The following ARMC2 variants were observed in gnomAD, a reference collection of about 807,000 sequenced individuals.
ARMC2 encodes armadillo repeat containing 2, also known as armadillo repeat-containing protein 2.
ARMC2 carries 67 observed loss-of-function variants against 90.3 expected under a neutral mutation model. The observed-to-expected ratio is 0.74, with a 90% CI of 0.61 to 0.91. ARMC2 has a LOEUF of 0.91. ARMC2 is among the 40% of genes least tolerant of loss of function. The pLI is 0.00. For missense variants in ARMC2, 920 were observed against 1,030.9 expected, an observed-to-expected ratio of 0.89 and a Z score of 1.47; for synonymous variants, 393 against 393.0, an observed-to-expected ratio of 1.00 and a Z score of 0.00.
chr6:108,989,628 T>C, the ARMC2 span, among the ~76,000 whole-genome samples: 1 of 151,606 alleles, frequency 6.6e-6, no homozygotes, highest in Non-Finnish European at 1.5e-5. Flanking sequence ...TATAGAGAAA[T>C]TTACTTGTAT....
chr6:108,874,864 C>CT (rs772721153), intron 4 of ARMC2, among the ~76,000 whole-genome samples: 1 of 151,398 alleles, frequency 6.6e-6, no homozygotes, highest in East Asian at 1.9e-4. Flanking sequence ...CCTAGAATCT[C>CT]TAAGGTTCCT....
chr6:109,002,910 GT>G, the ARMC2 span, among the ~76,000 whole-genome samples: 1 of 152,130 alleles, frequency 6.6e-6, no homozygotes, highest in Non-Finnish European at 1.5e-5. Context: ...AACTCATTTT[GT>G]TTGTAAGTTT....
the ARMC2 span, among the ~76,000 whole-genome samples, chr6:108,980,890 AAAAAC>A: frequency 6.6e-6 from 1 of 152,194 alleles, no homozygotes; most frequent in African/African-American, 2.4e-5. Context: ...ACTGTCTCAA[AAAAAC>A]AAAACAAAAC....
chr6:109,034,023 T>C, the ARMC2 span, among the ~76,000 whole-genome samples: 3 of 152,192 alleles, frequency 2.0e-5, no homozygotes, highest in Non-Finnish European at 2.9e-5. Context: ...CATGATAACA[T>C]AGCAGTCTTA....
chr6:108,890,107 G>A (rs1430191185), intron 5 of ARMC2, among the ~76,000 whole-genome samples: 15 of 143,526 alleles, frequency 1.0e-4, no homozygotes, highest in African/African-American at 3.9e-4. Flanking sequence ...GGAGAATGGC[G>A]TGAACCCGGG....
At chr6:108,960,445 GTGC>G (rs1297549410) in intron 13 of ARMC2, among the ~76,000 whole-genome samples, 1 of 152,198 alleles carries the variant, frequency 6.6e-6, no homozygotes, top group African/African-American at 2.4e-5. Context: ...AGGGCCTTAT[GTGC>G]TAAGCTAGAG....
chr6:109,043,036 TCAA>T, the ARMC2 span, among the ~76,000 whole-genome samples: 1 of 152,124 alleles, frequency 6.6e-6, no homozygotes, highest in Admixed American at 6.5e-5. Flanking sequence ...CATGGCTGGT[TCAA>T]CATCTGAAAA....
At chr6:109,046,515 AAGTGAGG>A in the ARMC2 span, among the ~76,000 whole-genome samples, 4 of 146,998 alleles carry the variant, frequency 2.7e-5, no homozygotes, top group Non-Finnish European at 4.5e-5. Flanking sequence ...CCCGTCTGGG[AAGTGAGG>A]AGTGTCTCTG....
intron 3 of ARMC2, among the ~76,000 whole-genome samples, chr6:108,867,088 CTCAT>C (rs540660796): frequency 2.2e-4 from 33 of 152,248 alleles, no homozygotes; most frequent in African/African-American, 7.7e-4. Context: ...TAGTGACTCA[CTCAT>C]TCACATGTTA....
intron 5 of ARMC2, among the ~76,000 whole-genome samples, chr6:108,890,139 G>A (rs1770814918): frequency 2.3e-5 from 3 of 132,006 alleles, no homozygotes; most frequent in Non-Finnish European, 3.1e-5. Context: ...GCAGTGAGCC[G>A]AGATCCCGCC....
chr6:108,892,297 G>A (rs368839950), intron 5 of ARMC2, among the ~76,000 whole-genome samples: 12 of 152,206 alleles, frequency 7.9e-5, no homozygotes, highest in African/African-American at 1.2e-4. Flanking sequence ...TCTTTGAGAG[G>A]TCCCTGTCCC....
At chr6:109,026,746 G>A in the ARMC2 span, among the ~76,000 whole-genome samples, 9 of 151,818 alleles carry the variant, frequency 5.9e-5, no homozygotes, top group Non-Finnish European at 1.0e-4. Context: ...CTCATGATCC[G>A]CCCGCCTCAG....
chr6:108,900,958 A>G (rs1772075993), intron 7 of ARMC2, among the ~76,000 whole-genome samples: 1 of 152,070 alleles, frequency 6.6e-6, no homozygotes, highest in Non-Finnish European at 1.5e-5. Flanking sequence ...TTCAGGAGAT[A>G]TGTGCAAACA....
the ARMC2 span, among the ~76,000 whole-genome samples, chr6:109,030,230 C>T: frequency 6.6e-6 from 1 of 151,986 alleles, no homozygotes; most frequent in Non-Finnish European, 1.5e-5. Flanking sequence ...TAGGACCCCC[C>T]GATCTAAGAA....
the ARMC2 span, among the ~76,000 whole-genome samples, chr6:109,022,560 C>T: frequency 6.6e-6 from 1 of 151,422 alleles, no homozygotes; most frequent in South Asian, 2.1e-4. Context: ...AGGTGCCCAC[C>T]ACCACGCCCG....
the ARMC2 span, among the ~76,000 whole-genome samples, chr6:108,980,205 T>C: frequency 6.6e-6 from 1 of 152,158 alleles, no homozygotes; most frequent in Non-Finnish European, 1.5e-5. Context: ...TTGATGTTGA[T>C]ACTATTCCTT....
intron 2 of ARMC2, among the ~76,000 whole-genome samples, chr6:108,855,994 C>T (rs900056264): frequency 2.6e-5 from 4 of 152,192 alleles, no homozygotes; most frequent in Admixed American, 6.5e-5. Context: ...GTCTCCTGCT[C>T]TGCAGCTTTT....
intron 3 of ARMC2, among the ~76,000 whole-genome samples, chr6:108,867,375 A>C (rs561135228): frequency 6.6e-6 from 1 of 152,300 alleles, no homozygotes; most frequent in African/African-American, 2.4e-5. Context: ...GAATTTTGTT[A>C]GTAATGTTCC....
intron 16 of ARMC2, 53 bp from the exon 17 acceptor site, chr6:108,964,927 T>C: frequency 1.5e-6 from 2 of 1,337,902 alleles, no homozygotes; most frequent in Non-Finnish European, 2.1e-6. Flanking sequence ...AATATTAAAA[T>C]TAAAGACAGA....
Sources: allele counts gnomAD v4.1 joint callset (sites outside exome capture counted in the v4.1 genomes callset), GRCh38; gene constraint gnomAD v4.1.1; transcripts MANE v1.5; gene names NCBI Gene and HGNC (gene_info 2026-07-23, HGNC 2026-07-21).